Variants in ADRA1A observed in about 807,000 individuals in gnomAD.
ADRA1A encodes the protein adrenoceptor alpha 1A.
A neutral mutation model predicts 29.6 loss-of-function variants in ADRA1A; 31 were observed. The observed-to-expected ratio is 1.05, with a 90% CI of 0.79 to 1.41. The LOEUF (loss-of-function observed/expected upper bound fraction) is 1.41, where lower values mean the gene tolerates loss of function less well. Ranked by LOEUF, ADRA1A falls within the 40% of genes most tolerant of loss-of-function variation. The pLI, the probability that ADRA1A is intolerant of heterozygous loss-of-function variation, is 0.00. For missense variants in ADRA1A, 619 were observed against 601.1 expected (o/e 1.03, Z -0.31); for synonymous variants, 311 against 254.3 (o/e 1.22, Z -2.12).
chr8:26,824,081 GAGA>G (rs1249391592), intron 2 of ADRA1A, among the ~76,000 whole-genome samples: 7 of 152,120 alleles, frequency 4.6e-5, no homozygotes, highest in Admixed American at 6.5e-5. Context: ...TAGTAGGAGA[GAGA>G]AGAAAAGCAG....
At chr8:26,857,039 G>A (rs745860526) in intron 2 of ADRA1A, among the ~76,000 whole-genome samples, 22 of 152,286 alleles carry the variant, frequency 1.4e-4, no homozygotes, top group African/African-American at 2.9e-4. Context: ...AGTCTGTCTC[G>A]CTTCCCCTTG....
rs935751155 is a variant in ADRA1A, at chr8:26,785,382, C to T, written c.884-14716G>A. Among the ~76,000 whole-genome samples, 3 of 152,214 alleles carry T rather than the reference C, an allele frequency of 2.0e-5. No individual in the cohort carries two copies. The South Asian group carries it at 6.2e-4, about 32-fold the overall frequency. On this transcript the variant is annotated intron_variant, in intron 2 of 2. Coordinates refer to ENST00000380573, the MANE Select transcript of ADRA1A (RefSeq NM_000680.4). ...CACCTCATATAAACACTTAAGGCAA[C>T]AAGAGCTGAGCTGACGTCTGGACTA...
intron 2 of ADRA1A, among the ~76,000 whole-genome samples, chr8:26,835,650 C>T (rs531156865): frequency 1.5e-4 from 23 of 152,216 alleles, no homozygotes; most frequent in African/African-American, 4.1e-4. Flanking sequence ...GTCCCTCCCA[C>T]GACACATGGG....
intron 2 of ADRA1A, among the ~76,000 whole-genome samples, chr8:26,853,478 A>G (rs1812779781): frequency 6.6e-6 from 1 of 152,240 alleles, no homozygotes; most frequent in Non-Finnish European, 1.5e-5. Context: ...ATTAAAATGT[A>G]TTATGCAACC....
downstream of ADRA1A, chr8:26,766,148 C>A: frequency 6.2e-7 from 1 of 1,602,412 alleles, no homozygotes; most frequent in Non-Finnish European, 8.5e-7. Context: ...ATCCATTCCC[C>A]TCTGTCCAAA....
At chr8:26,788,002 T>A (rs1438299159) in intron 2 of ADRA1A, among the ~76,000 whole-genome samples, 5 of 152,092 alleles carry the variant, frequency 3.3e-5, no homozygotes, top group Admixed American at 2.6e-4. Context: ...GGATGTGTGG[T>A]TCTGGTTTAC....
At position 26,823,727 on chromosome 8, in the gene ADRA1A, A is replaced by T. The variant is rs1009789644; in HGVS notation, c.883+40360T>A. Among the ~76,000 whole-genome samples the T allele has an allele frequency of 5.9e-5, 9 of 152,174 alleles. No homozygotes were observed. Among genetic ancestry groups the T allele is most frequent in the Non-Finnish European group, 4.4e-5 (3 of 68,024 alleles). On this transcript the variant is annotated intron_variant, in intron 2 of 2. Transcript: ENST00000380573. The surrounding 1 kb of genome is among the most constrained non-coding windows in gnomAD (Gnocchi z 4.2). ...TACCAGGACCATCATTTCATCACTC[A>T]TACTTGACACCTCATATTCTTGCAA... is the stretch of plus-strand genomic sequence containing the variant.
chr8:26,851,628 T>C (rs1812638130), intron 2 of ADRA1A, among the ~76,000 whole-genome samples: 1 of 152,074 alleles, frequency 6.6e-6, no homozygotes. Context: ...GATTAGAGAT[T>C]GAAATATTAT....
In ADRA1A at chr8:26,848,712, T is replaced by C. The variant is rs1315976046; in HGVS notation, c.883+15375A>G. 6.6e-6 allele frequency among the ~76,000 whole-genome samples: 1 copy of C among 152,186 alleles called. No individual in the cohort carries two copies. The highest frequency in any genetic ancestry group is 2.4e-5 in the African/African-American group (1 of 41,456). On this transcript the variant is annotated intron_variant, in intron 2 of 2. Coordinates refer to ENST00000380573, the MANE Select transcript of ADRA1A (RefSeq NM_000680.4). The surrounding 1 kb of genome is among the most constrained non-coding windows in gnomAD (Gnocchi z 4.3). ...GTGTGTGAATGGTTTCACTTCTTCTTTCCTAGGAAAAGAGTCATTAAACTC... is the reference window on the plus strand; with the variant it reads ...GTGTGTGAATGGTTTCACTTCTTCTCTCCTAGGAAAAGAGTCATTAAACTC...
At chr8:26,859,184 T>C in intron 2 of ADRA1A, 2 of 1,289,526 alleles carry the variant, frequency 1.6e-6, no homozygotes, top group Non-Finnish European at 2.0e-6. Context: ...AAACAGCACG[T>C]CATATTTAAG....
intron 2 of ADRA1A, among the ~76,000 whole-genome samples, chr8:26,834,877 G>GT (rs1206833072): frequency 6.6e-6 from 1 of 152,098 alleles, no homozygotes. Flanking sequence ...TTCTTCACTT[G>GT]TTTCCTGGGA....
rs116677187 is a variant in ADRA1A, at chr8:26,798,025, C to T, written c.884-27359G>A. ...GATGGAATCTCACTTGTCACCCAGG[C>T]TGGAGTTCAGTGGCACCATCTCTGC... On this transcript the variant is annotated intron_variant, in intron 2 of 2. Transcript: ENST00000380573. Among the ~76,000 whole-genome samples the T allele has an allele frequency of 1.9e-3, 293 of 151,294 alleles. 1 individual carries two copies. Among genetic ancestry groups the T allele is most frequent in the African/African-American group, 6.8e-3 (276 of 40,740 alleles).
At position 26,818,708 on chromosome 8, in the gene ADRA1A, G is replaced by C. The variant is rs571354510; in HGVS notation, c.883+45379C>G. On this transcript the variant is annotated intron_variant, in intron 2 of 2. Coordinates refer to ENST00000380573, the MANE Select transcript of ADRA1A (RefSeq NM_000680.4). Reference sequence around the variant, plus strand: ...AATACCTCTGGAAATGAGGTACAGAGCGTCAACAGCAGACTTGATCAAGGA... The same window carrying C: ...AATACCTCTGGAAATGAGGTACAGACCGTCAACAGCAGACTTGATCAAGGA... Among the ~76,000 whole-genome samples the C allele has an allele frequency of 2.2e-4, 34 of 152,142 alleles. 1 individual carries two copies. The highest frequency in any genetic ancestry group is 7.2e-4 in the African/African-American group (30 of 41,530).
chr8:26,837,243 A>T (rs1811445879), intron 2 of ADRA1A, among the ~76,000 whole-genome samples: 1 of 152,116 alleles, frequency 6.6e-6, no homozygotes, highest in African/African-American at 2.4e-5. Context: ...TTTTTGTCTG[A>T]CATTGATTAT....
rs1810319228 is a variant in ADRA1A, at chr8:26,823,364, A to G, written c.883+40723T>C. 6.6e-6 allele frequency among the ~76,000 whole-genome samples: 1 copy of G among 152,118 alleles called. No individual in the cohort carries two copies. The highest frequency in any genetic ancestry group is 1.5e-5 in the Non-Finnish European group (1 of 68,022). ...GCACAGCCTCACAGAATTCATCATC[A>G]AGATAGGTCATGAATGGGAATGCAC... On this transcript the variant is annotated intron_variant, in intron 2 of 2. Transcript: ENST00000380573. This position sits in a 1 kb window ranked among gnomAD's most constrained non-coding sequence, Gnocchi z 4.2.
At chr8:26,817,912 G>A (rs992867550) in intron 2 of ADRA1A, among the ~76,000 whole-genome samples, 3 of 152,164 alleles carry the variant, frequency 2.0e-5, no homozygotes, top group African/African-American at 7.2e-5. Context: ...TTAGTTACAA[G>A]AGCCAAAATC....
intron 2 of ADRA1A, among the ~76,000 whole-genome samples, chr8:26,861,712 T>C (rs575163509): frequency 4.6e-5 from 7 of 152,304 alleles, no homozygotes; most frequent in African/African-American, 1.7e-4. Context: ...CATAACTCTT[T>C]GGTTTTGCCA....
intron 2 of ADRA1A, among the ~76,000 whole-genome samples, chr8:26,784,844 A>T (rs981993698): frequency 1.3e-5 from 2 of 152,290 alleles, no homozygotes; most frequent in South Asian, 4.2e-4. Flanking sequence ...GCTCTAACCG[A>T]TGGCTGAAAG....
chr8:26,761,837 G>A (rs919356988), downstream of ADRA1A, among the ~76,000 whole-genome samples: 4 of 152,184 alleles, frequency 2.6e-5, no homozygotes, highest in African/African-American at 9.6e-5. Context: ...AATATGATAA[G>A]TTGGCAGAAG....
Sources: allele counts gnomAD v4.1 joint callset (sites outside exome capture counted in the v4.1 genomes callset), GRCh38; gene constraint gnomAD v4.1.1; non-coding constraint Gnocchi (gnomAD v3.1); transcripts MANE v1.5; gene names NCBI Gene and HGNC (gene_info 2026-07-23, HGNC 2026-07-21).